GFOD1: variants seen among roughly 807,000 people sequenced by gnomAD.
The protein encoded by GFOD1 is Gfo/Idh/MocA-like oxidoreductase domain containing 1.
Under a neutral mutation model 25.4 loss-of-function variants are expected in GFOD1, and 9 were observed. The ratio of observed to expected loss-of-function variants is 0.35; its 90% CI spans 0.21 to 0.62. The LOEUF is 0.62. Among genes scored for constraint, GFOD1 ranks in the 20% least tolerant of loss-of-function variants. The pLI is 0.72. For missense variants in GFOD1, 403 were observed against 556.9 expected (o/e 0.72, Z 2.78); for synonymous variants, 253 against 245.6 (o/e 1.03, Z -0.28).
intron 1 of GFOD1, among the ~76,000 whole-genome samples, chr6:13,417,768 C>A (rs1786187053): frequency 6.6e-6 from 1 of 152,212 alleles, no homozygotes; most frequent in Admixed American, 6.5e-5. Context: ...AATATGGATT[C>A]TTTCAACCAT....
chr6:13,475,947 G>C (rs78013987), intron 1 of GFOD1, among the ~76,000 whole-genome samples: 4,811 of 152,060 alleles, frequency 0.032, 242 homozygotes, highest in African/African-American at 0.11. Flanking sequence ...AATACCAAGT[G>C]CTGGTGATGA....
intron 1 of GFOD1, among the ~76,000 whole-genome samples, chr6:13,420,752 C>T (rs1055149957): frequency 3.3e-5 from 5 of 152,210 alleles, no homozygotes; most frequent in African/African-American, 1.2e-4. Context: ...CAACAAAGGA[C>T]TGATTTTTTC....
chr6:13,407,999 C>T (rs1785979069), intron 1 of GFOD1: 6 of 985,244 alleles, frequency 6.1e-6, no homozygotes, highest in Non-Finnish European at 7.2e-6. Flanking sequence ...GGTGGGAGCA[C>T]TTGGCTTTGC....
rs1156844102 is a variant in GFOD1 at position 13,360,359 on chromosome 6, A to G, written c.*4384T>C. On this transcript the variant is annotated 3_prime_UTR_variant, in exon 2 of 2. Coordinates refer to ENST00000379287, the MANE Select transcript of GFOD1 (RefSeq NM_018988.4). ...GAAACCCAACTTATGATCACAGGCC[A>G]AATTCAATAGCTGTGGCTATGAGAC... The G allele has an allele frequency of 1.8e-5, 5 of 280,936 alleles. No individual in the cohort carries two copies. Among genetic ancestry groups the G allele is most frequent in the Non-Finnish European group, 2.8e-5 (4 of 142,122 alleles). 17.4% of individuals were successfully genotyped at this position (280,936 alleles called of 1,614,324 possible). A position where few individuals can be genotyped will look rare whatever the true frequency, so the allele number is the denominator to read the frequency against.
chr6:13,431,376 A>G (rs879453450), intron 1 of GFOD1, among the ~76,000 whole-genome samples: 1 of 152,234 alleles, frequency 6.6e-6, no homozygotes, highest in African/African-American at 2.4e-5. Context: ...TGGACCTCCT[A>G]TTCTTTCTAC....
In GFOD1 at chr6:13,486,737, T is replaced by A; in HGVS notation, c.154A>T (p.Thr52Ser). The A allele has an allele frequency of 6.2e-7, 1 of 1,614,002 alleles. No homozygotes were observed. The highest frequency in any genetic ancestry group is 8.5e-7 in the Non-Finnish European group (1 of 1,179,970). Reference protein sequence around the residue: ...LAKEMSVPFYTSRIDEVLLHQ... With the variant: ...LAKEMSVPFYSSRIDEVLLHQ... ...AGCAGCACCTCATCAATGCGGCTAG[T>A]GTAGAAGGGGACACTCATCTCCTTG... The change falls in exon 1 of 2, where the codon ACT (threonine) becomes TCT (serine). Residue 52 changes from threonine (T) to serine (S), a missense_variant. Thr to Ser is a moderately conservative substitution (Grantham distance 58). Transcript: ENST00000379287.
chr6:13,402,508 A>G (rs1030326988), intron 1 of GFOD1, among the ~76,000 whole-genome samples: 4 of 152,260 alleles, frequency 2.6e-5, no homozygotes, highest in South Asian at 2.1e-4. Context: ...CAAATAAAAA[A>G]TGAGAAAGGA....
At chr6:13,439,860 G>A (rs1185789212) in intron 1 of GFOD1, among the ~76,000 whole-genome samples, 1 of 152,144 alleles carries the variant, frequency 6.6e-6, no homozygotes, top group East Asian at 1.9e-4. Context: ...CCTAGAGACT[G>A]TTACACCCTT....
chr6:13,423,311 G>A (rs964898567), intron 1 of GFOD1, among the ~76,000 whole-genome samples: 3 of 152,086 alleles, frequency 2.0e-5, no homozygotes, highest in Admixed American at 6.5e-5. Flanking sequence ...AACTGACAAT[G>A]AGTTTATTAG....
chr6:13,466,057 TA>T (rs1758373961), intron 1 of GFOD1, among the ~76,000 whole-genome samples: 1 of 151,842 alleles, frequency 6.6e-6, no homozygotes, highest in Non-Finnish European at 1.5e-5. Context: ...ACATCAAGAG[TA>T]AAGTTACTGC....
chr6:13,434,039 C>T (rs960545172), intron 1 of GFOD1, among the ~76,000 whole-genome samples: 3 of 152,220 alleles, frequency 2.0e-5, no homozygotes, highest in Non-Finnish European at 4.4e-5. Flanking sequence ...GCATCAGAGT[C>T]ACAGCCAGTG....
chr6:13,393,374 A>G (rs1785655382), intron 1 of GFOD1, among the ~76,000 whole-genome samples: 1 of 148,844 alleles, frequency 6.7e-6, no homozygotes, highest in African/African-American at 2.5e-5. Flanking sequence ...CCACCAAAAA[A>G]AAAAAAAAAA....
rs1785005096 is a variant in GFOD1 at position 13,364,723 on chromosome 6, C to G, written c.*20G>C. On this transcript the variant is annotated 3_prime_UTR_variant, in exon 2 of 2. Transcript: ENST00000379287. This position sits in a 1 kb window ranked among gnomAD's most constrained non-coding sequence, Gnocchi z 4.1. ...ACATCCCCTGCAGAAGGCTCAAGTC[C>G]CCGAGGTTCTCAATCTGTGCTAACA... The G allele has an allele frequency of 6.3e-7, 1 of 1,588,736 alleles. No individual in the cohort carries two copies. The highest frequency in any genetic ancestry group is 8.6e-7 in the Non-Finnish European group (1 of 1,164,398).
intron 1 of GFOD1, among the ~76,000 whole-genome samples, chr6:13,417,314 C>T (rs1401803957): frequency 3.9e-5 from 6 of 152,256 alleles, no homozygotes; most frequent in East Asian, 3.9e-4. Flanking sequence ...CCACCACGCC[C>T]GGCTAATTTT....
chr6:13,386,456 C>A (rs769267116), intron 1 of GFOD1, among the ~76,000 whole-genome samples: 3 of 149,986 alleles, frequency 2.0e-5, no homozygotes, highest in South Asian at 2.1e-4. Flanking sequence ...CTGTCCCTGC[C>A]AGCAGCCAGC....
At chr6:13,465,204 C>T (rs1326736597) in intron 1 of GFOD1, among the ~76,000 whole-genome samples, 2 of 135,862 alleles carry the variant, frequency 1.5e-5, no homozygotes, top group African/African-American at 5.3e-5. Context: ...ATACAAAATA[C>T]AACAATAGCT....
Position 13,361,060 on chromosome 6 carries a change from A to T in GFOD1, c.*3683T>A, listed in dbSNP as rs541984164. The T allele has an allele frequency of 5.6e-6, 2 of 356,824 alleles. No homozygotes were observed. Among genetic ancestry groups the T allele is most frequent in the East Asian group, 1.5e-4 (2 of 13,524 alleles). 22.1% of individuals were successfully genotyped at this position (356,824 alleles called of 1,614,324 possible). On this transcript the variant is annotated 3_prime_UTR_variant, in exon 2 of 2. Coordinates refer to ENST00000379287, the MANE Select transcript of GFOD1 (RefSeq NM_018988.4). ...GTTTTTATGGATTGTATGAGATAAC[A>T]TACTTAAAATACTCTGCACACAGTG...
intron 1 of GFOD1, among the ~76,000 whole-genome samples, chr6:13,455,426 C>T (rs977506669): frequency 7.9e-5 from 12 of 152,166 alleles, no homozygotes; most frequent in African/African-American, 2.9e-4. Context: ...GGGAAAGCCA[C>T]CTTGTCATTG....
intron 1 of GFOD1, 163 bp downstream of exon 1, chr6:13,486,475 G>C: frequency 1.5e-6 from 1 of 660,288 alleles, no homozygotes. Context: ...CGGGGACGAG[G>C]AAGGAGGGAG....
Sources: allele counts gnomAD v4.1 joint callset (sites outside exome capture counted in the v4.1 genomes callset), GRCh38; gene constraint gnomAD v4.1.1; non-coding constraint Gnocchi (gnomAD v3.1); transcripts MANE v1.5; gene names NCBI Gene and HGNC (gene_info 2026-07-23, HGNC 2026-07-21).